Variants in MSL3 observed in about 807,000 individuals in gnomAD.
MSL3 encodes the protein MSL3-like 1.
In MSL3, 5 loss-of-function variants were observed where a neutral mutation model predicts 37.2. The observed-to-expected ratio is 0.13, with a 90% CI of 0.07 to 0.28. The LOEUF (loss-of-function observed/expected upper bound fraction) is 0.28, where lower values mean the gene tolerates loss of function less well. Among genes scored for constraint, MSL3 ranks in the 10% least tolerant of loss-of-function variants. The pLI is 1.00. For synonymous variants in MSL3, 149 were observed against 147.6 expected (o/e 1.01, Z -0.07); for missense variants, 315 against 408.5 (o/e 0.77, Z 1.97).
intron 7 of MSL3, 141 bp from the exon 8 acceptor site, chrX:11,763,639 C>T: frequency 2.3e-6 from 1 of 440,293 alleles, no homozygotes; most frequent in Non-Finnish European, 3.9e-6. Context: ...GCTACAAATC[C>T]ATTTCATTTT....
At chrX:11,767,035 G>C in intron 9 of MSL3, 1 of 754,068 alleles carries the variant, frequency 1.3e-6, no homozygotes, top group Non-Finnish European at 1.6e-6. Flanking sequence ...AGTCATCCCA[G>C]TGCCATTCTG....
In MSL3 at chrX:11,760,491, G is replaced by A; in HGVS notation, c.274G>A (p.Ala92Thr). ...LQRKLARKAVARLRSTGRKKK... is the reference protein window; with the variant it reads ...LQRKLARKAVTRLRSTGRKKK... ...GCGTAAATTGGCAAGAAAAGCTGTA[G>A]CTCGCCTGTAAGAATACAAAAATCA... The change falls in exon 3 of 13, where the codon GCT becomes ACT. Residue 92 changes from alanine (A) to threonine (T), a missense_variant. Coordinates refer to ENST00000312196, the MANE Select transcript of MSL3 (RefSeq NM_078629.4). 2 of 1,185,062 alleles carry A rather than the reference G, an allele frequency of 1.7e-6. No individual in the cohort carries two copies. The highest frequency in any genetic ancestry group is 2.3e-6 in the Non-Finnish European group (2 of 878,188).
intron 12 of MSL3, among the ~76,000 whole-genome samples, chrX:11,773,801 A>G (rs940181897): frequency 2.7e-5 from 3 of 112,496 alleles, no homozygotes; most frequent in African/African-American, 6.5e-5. Context: ...AAACCTAGTA[A>G]GAGGTTTTAA....
At chrX:11,770,433 T>C (rs965527290) in intron 10 of MSL3, among the ~76,000 whole-genome samples, 6 of 112,235 alleles carry the variant, frequency 5.3e-5, no homozygotes, top group African/African-American at 1.9e-4. Context: ...CACTCCGGTC[T>C]GCAGTGCGAA....
At chrX:11,770,622 G>A (rs754782029) in intron 10 of MSL3, among the ~76,000 whole-genome samples, 35 of 111,202 alleles carry the variant, frequency 3.1e-4, no homozygotes, top group African/African-American at 1.0e-3. Flanking sequence ...AGTTCCAATC[G>A]CTGCTCCACA....
At position 11,758,633 on chromosome X, in the gene MSL3, C is replaced by A. The variant is rs370943774; in HGVS notation, c.102+268C>A. The A allele has an allele frequency of 2.9e-5, 33 of 1,155,901 alleles. No individual in the cohort carries two copies. In the African/African-American group the frequency reaches 3.4e-4, roughly 12 times the overall value. ...TGCTTTGTCGCGTTACCGGGGCTACCGTTTGCGCCCCCGACTGCAACGGTG... is the reference window on the plus strand; with the variant it reads ...TGCTTTGTCGCGTTACCGGGGCTACAGTTTGCGCCCCCGACTGCAACGGTG... On this transcript the variant is annotated intron_variant, in intron 1 of 12. Coordinates refer to ENST00000312196, the MANE Select transcript of MSL3 (RefSeq NM_078629.4).
intron 10 of MSL3, among the ~76,000 whole-genome samples, chrX:11,771,617 T>C (rs983739133): frequency 1.8e-5 from 2 of 112,793 alleles, no homozygotes; most frequent in Non-Finnish European, 3.7e-5. Context: ...TTCACTCTTG[T>C]TGCCCAGGCT....
At chrX:11,763,141 C>G (rs957299497) in intron 7 of MSL3, 144 bp downstream of exon 7, 17 of 518,193 alleles carry the variant, frequency 3.3e-5, no homozygotes, top group Non-Finnish European at 4.0e-5. Flanking sequence ...ATTGAATCAT[C>G]TAATATTAAA....
At chrX:11,768,030 A>G in intron 9 of MSL3, 1 of 636,820 alleles carries the variant, frequency 1.6e-6, no homozygotes, top group South Asian at 8.1e-5. Flanking sequence ...AAATTCACAT[A>G]TAAAATTAAC....
At chrX:11,768,454 G>A (rs780906066) in intron 9 of MSL3, 119 bp from the exon 10 acceptor site, 19 of 474,621 alleles carry the variant, frequency 4.0e-5, no homozygotes, top group African/African-American at 1.2e-4. Context: ...AAGTCTTATC[G>A]TTAAAGGTTG....
Position 11,763,480 on chromosome X carries a change from T to C in MSL3, c.750-300T>C, listed in dbSNP as rs969895736. ...GTCAACCCGTTTCAGCTTGCAGTGA[T>C]AGGGGTGTGTCCACCTGTCCACTTT... On this transcript the variant is annotated intron_variant, in intron 7 of 12. Coordinates refer to ENST00000312196, the MANE Select transcript of MSL3 (RefSeq NM_078629.4). Among the ~76,000 whole-genome samples, 7 of 112,841 alleles carry C rather than the reference T, an allele frequency of 6.2e-5. No individual in the cohort carries two copies. In the East Asian group the frequency reaches 1.9e-3, roughly 31 times the overall value.
chrX:11,762,184 A>G lies in MSL3; in HGVS notation c.520A>G (p.Ile174Val), dbSNP rs777091019. The change falls in exon 6 of 13, where the codon ATA becomes GTA. Residue 174 changes from isoleucine (I) to valine (V), a missense_variant. Ile to Val is a conservative substitution (Grantham distance 29). Coordinates refer to ENST00000312196, the MANE Select transcript of MSL3 (RefSeq NM_078629.4). The part of the protein sequence containing the change: ...RREMEERTIT[I>V]EIPEVLKKQL... ...GGAAATGGAAGAAAGAACAATAACT[A>G]TAGAAATCCCTGAAGTTCTGAAGAA... 1.2e-4 allele frequency: 135 copies of G among 1,162,473 alleles called. No homozygotes were observed. In the Middle Eastern group the frequency reaches 1.2e-3, roughly 10 times the overall value.
chrX:11,775,148 A>G lies in MSL3; in HGVS notation c.*69A>G. The G allele has an allele frequency of 1.2e-6, 1 of 817,592 alleles. No individual in the cohort carries two copies. Among genetic ancestry groups the G allele is most frequent in the Non-Finnish European group, 1.8e-6 (1 of 545,999 alleles). 67.4% of individuals were successfully genotyped at this position (817,592 alleles called of 1,213,427 possible). The stretch of plus-strand genomic sequence containing the variant: ...CGCTCTGGGTTCCAGGTGAATAACT[A>G]ACAAGGTGGTGGGTCTTTACCCACA... On this transcript the variant is annotated 3_prime_UTR_variant, in exon 13 of 13. Coordinates refer to ENST00000312196, the MANE Select transcript of MSL3 (RefSeq NM_078629.4).
At position 11,759,859 on chromosome X, in the gene MSL3, A is replaced by T; in HGVS notation, c.169A>T (p.Asn57Tyr). 1 of 1,210,929 alleles carries T rather than the reference A, an allele frequency of 8.3e-7. No homozygotes were observed. Among genetic ancestry groups the T allele is most frequent in the African/African-American group, 1.7e-5 (1 of 57,894 alleles). Residue 57 changes from asparagine (N) to tyrosine (Y), a missense_variant, in exon 2 of 13, where the codon AAT becomes TAT. Asn to Tyr is a moderately radical substitution (Grantham distance 143). Transcript: ENST00000312196. ...RKIPEYLIHF[N>Y]GWNRSWDRWA... is the part of the protein sequence containing the mutation. Reference sequence around the variant, plus strand: ...GATCCCAGAATATCTGATCCATTTTAATGGTTGGAACAGAAGGTGAGTGAA... The same window carrying T: ...GATCCCAGAATATCTGATCCATTTTTATGGTTGGAACAGAAGGTGAGTGAA...
chrX:11,758,604 C>T, intron 1 of MSL3: 3 of 1,139,712 alleles, frequency 2.6e-6, no homozygotes, highest in African/African-American at 1.8e-5. Context: ...GGGAGCCTCG[C>T]CCATGCTTTG....
At chrX:11,766,681 C>T (rs1015266086) in intron 9 of MSL3, 2 of 753,114 alleles carry the variant, frequency 2.7e-6, no homozygotes, top group Non-Finnish European at 3.1e-6. Context: ...AGGAAGTCAG[C>T]AGCAGGGGAG....
upstream of MSL3, chrX:11,758,168 C>A (rs1601763573): frequency 1.5e-5 from 3 of 202,833 alleles, no homozygotes; most frequent in East Asian, 1.8e-4. Flanking sequence ...CCGGCCCCCC[C>A]CGGCCACGGC....
At chrX:11,765,944 G>A in intron 9 of MSL3, 3 of 1,041,714 alleles carry the variant, frequency 2.9e-6, no homozygotes, top group Non-Finnish European at 3.7e-6. Context: ...GCAGGACTGG[G>A]CTGTTTCCTC....
upstream of MSL3, chrX:11,758,201 C>T (rs2053087533): frequency 6.0e-6 from 1 of 167,990 alleles, no homozygotes. Flanking sequence ...CGCCCCCGCC[C>T]GCCCTCCCCC....
Sources: allele counts gnomAD v4.1 joint callset (sites outside exome capture counted in the v4.1 genomes callset), GRCh38; gene constraint gnomAD v4.1.1; transcripts MANE v1.5; gene names NCBI Gene and HGNC (gene_info 2026-07-23, HGNC 2026-07-21).